PLB1: variants seen among roughly 807,000 people sequenced by gnomAD.
PLB1 encodes phospholipase B1.
A neutral mutation model predicts 227.4 loss-of-function variants in PLB1; 242 were observed. The ratio of observed to expected loss-of-function variants is 1.06; its 90% CI spans 0.96 to 1.18. The LOEUF (loss-of-function observed/expected upper bound fraction) is 1.18, where lower values mean the gene tolerates loss of function less well. Ranked by LOEUF, PLB1 falls within the 50% of genes most tolerant of loss-of-function variation. PLB1 has a pLI of 0.00. For synonymous variants in PLB1, 757 were observed against 682.2 expected, an observed-to-expected ratio of 1.11 and a Z score of -1.71; for missense variants, 1,858 against 1,816.3, an observed-to-expected ratio of 1.02 and a Z score of -0.42.
At chr2:28,624,752 A>G (rs190990754) in intron 49 of PLB1, among the ~76,000 whole-genome samples, 11 of 151,834 alleles carry the variant, frequency 7.2e-5, no homozygotes, top group East Asian at 2.0e-4. Context: ...GAAGAAATGA[A>G]CAGGCTTGGC....
chr2:28,588,850 C>T (rs1681356678), intron 26 of PLB1, among the ~76,000 whole-genome samples: 1 of 152,148 alleles, frequency 6.6e-6, no homozygotes, highest in South Asian at 2.1e-4. Flanking sequence ...CCCCTCACGT[C>T]TTTAATCAGA....
At chr2:28,515,914 G>A (rs935352647) in intron 1 of PLB1, among the ~76,000 whole-genome samples, 6 of 152,124 alleles carry the variant, frequency 3.9e-5, no homozygotes, top group Non-Finnish European at 7.4e-5. Context: ...CTCATGATAC[G>A]TCAAAGGAAG....
chr2:28,578,070 C>T, intron 21 of PLB1, 37 bp from the exon 22 acceptor site: 1 of 1,607,068 alleles, frequency 6.2e-7, no homozygotes, highest in Non-Finnish European at 8.5e-7. Context: ...TGCCAGTCCC[C>T]ACTCCTCACA....
In PLB1 at chr2:28,542,885, G is replaced by A. The variant is rs368489219; in HGVS notation, c.880-327G>A. Among the ~76,000 whole-genome samples, 358 of 152,280 alleles carry A rather than the reference G, an allele frequency of 2.4e-3. 5 individuals carry two copies. The highest frequency in any genetic ancestry group is 7.9e-3 in the African/African-American group (327 of 41,548). ...AGGGTGAGGAGAAATATTAGCTCACGTTCCCTTCCTTCATCCTTCTACTCA... is the reference window on the plus strand; with the variant it reads ...AGGGTGAGGAGAAATATTAGCTCACATTCCCTTCCTTCATCCTTCTACTCA... On this transcript the variant is annotated intron_variant, in intron 13 of 57. Transcript: ENST00000327757.
In PLB1 at chr2:28,538,389, C is replaced by T. The variant is rs770846694; in HGVS notation, c.618+8C>T. 38 of 1,610,250 alleles carry T rather than the reference C, an allele frequency of 2.4e-5. No individual in the cohort carries two copies. Among genetic ancestry groups the T allele is most frequent in the Middle Eastern group, 2.0e-4 (1 of 4,968 alleles). On this transcript the variant is annotated splice_region_variant and intron_variant, in intron 10 of 57. Transcript: ENST00000327757. ...GACTACCTGCAGCAGGAGGTGAGGC[C>T]ACGGGCCTAGGGCTTCCCCAAGGGC...
At position 28,602,863 on chromosome 2, in the gene PLB1, A is replaced by C. The variant is rs755917163; in HGVS notation, c.2716A>C (p.Thr906Pro). ...CAACCTCGTGGACTTCCTGAACCCCACTATCATGCGGCAGGTGTTCCTGGG... is the reference window on the plus strand; with the variant it reads ...CAACCTCGTGGACTTCCTGAACCCCCCTATCATGCGGCAGGTGTTCCTGGG... ...LVNLVDFLNP[T>P]IMRQVFLGNP... is the part of the protein sequence containing the mutation. The change falls in exon 39 of 58, where the codon ACT becomes CCT. Residue 906 changes from threonine to proline, a missense_variant. Transcript: ENST00000327757. The C allele has an allele frequency of 6.2e-7, 1 of 1,614,100 alleles. No individual in the cohort carries two copies. The highest frequency in any genetic ancestry group is 8.5e-7 in the Non-Finnish European group (1 of 1,179,996).
At chr2:28,580,759 A>G (rs1424271427) in intron 23 of PLB1, among the ~76,000 whole-genome samples, 5 of 151,238 alleles carry the variant, frequency 3.3e-5, no homozygotes, top group African/African-American at 1.2e-4. Flanking sequence ...GTGTGTGGGA[A>G]AGGGGGTTGT....
intron 20 of PLB1, among the ~76,000 whole-genome samples, chr2:28,570,718 A>C (rs889491253): frequency 1.3e-5 from 2 of 152,216 alleles, no homozygotes; most frequent in Non-Finnish European, 1.5e-5. Flanking sequence ...CCTGGGAGGC[A>C]GAGGTTGCAG....
intron 41 of PLB1, 130 bp from the exon 42 acceptor site, chr2:28,605,723 G>C: frequency 1.4e-6 from 1 of 695,872 alleles, no homozygotes; most frequent in Non-Finnish European, 2.6e-6. Context: ...AATGGGCCCT[G>C]TGGTGGCTGG....
chr2:28,616,031 A>G (rs761713569), intron 44 of PLB1, among the ~76,000 whole-genome samples: 1 of 152,234 alleles, frequency 6.6e-6, no homozygotes, highest in African/African-American at 2.4e-5. Flanking sequence ...AGTTGACTTC[A>G]CAGAAGTAGA....
intron 43 of PLB1, among the ~76,000 whole-genome samples, chr2:28,612,369 G>A (rs529390602): frequency 1.4e-4 from 21 of 152,246 alleles, no homozygotes; most frequent in Admixed American, 5.9e-4. Flanking sequence ...CCTCCAGTGT[G>A]AGGAACGGAA....
At position 28,516,877 on chromosome 2, in the gene PLB1, CT is replaced by C; in HGVS notation, c.117+11del. ...GGGCAGCTATGGCCAGAGGTAAGGG[CT>C]TTGGCTGGTGGGAGGTGCGTGTGTA... On this transcript the variant is annotated intron_variant, in intron 2 of 57. Transcript: ENST00000327757. The C allele has an allele frequency of 6.2e-7, 1 of 1,613,170 alleles. No individual in the cohort carries two copies. The highest frequency in any genetic ancestry group is 8.5e-7 in the Non-Finnish European group (1 of 1,179,204).
intron 43 of PLB1, among the ~76,000 whole-genome samples, chr2:28,609,442 C>T (rs1558908574): frequency 6.6e-6 from 1 of 151,916 alleles, no homozygotes; most frequent in Non-Finnish European, 1.5e-5. Context: ...AATGTATGAT[C>T]AAGCAGGAGG....
In PLB1 at chr2:28,589,735, C is replaced by T. The variant is rs1345024265; in HGVS notation, c.1981C>T (p.His661Tyr). ...CTGTTTCCACTTCAGCAGCAAGTCT[C>T]ACTCCCGAGCAGCCAGTGCTCTCTG... Reference protein sequence around the residue: ...PDCFHFSSKSHSRAASALWNN... With the variant: ...PDCFHFSSKSYSRAASALWNN... The change falls in exon 28 of 58, where the codon CAC (histidine) becomes TAC (tyrosine). Residue 661 changes from histidine to tyrosine, a missense_variant. Transcript: ENST00000327757. 5 of 1,614,064 alleles carry T rather than the reference C, an allele frequency of 3.1e-6. No individual in the cohort carries two copies. Among genetic ancestry groups the T allele is most frequent in the Middle Eastern group, 1.6e-4 (1 of 6,062 alleles).
intron 13 of PLB1, among the ~76,000 whole-genome samples, chr2:28,542,347 A>G (rs889041420): frequency 3.9e-5 from 6 of 152,176 alleles, no homozygotes; most frequent in Admixed American, 2.6e-4. Context: ...ATGTGCTGTT[A>G]GAGGCAGGGC....
intron 14 of PLB1, among the ~76,000 whole-genome samples, chr2:28,546,019 A>G (rs566515915): frequency 6.6e-6 from 1 of 152,256 alleles, no homozygotes; most frequent in East Asian, 1.9e-4. Flanking sequence ...TCATCCTCCA[A>G]GCCCTAGCAT....
At chr2:28,633,135 C>T in intron 56 of PLB1, 96 bp downstream of exon 56, 1 of 1,069,992 alleles carries the variant, frequency 9.3e-7, no homozygotes, top group East Asian at 2.4e-5. Flanking sequence ...GACATGGCTC[C>T]TTTCTCCCCA....
intron 45 of PLB1, among the ~76,000 whole-genome samples, chr2:28,618,084 C>T (rs1199442459): frequency 6.6e-6 from 1 of 152,146 alleles, no homozygotes; most frequent in Non-Finnish European, 1.5e-5. Flanking sequence ...GCTACATGAC[C>T]CTGCAGCTGG....
intron 22 of PLB1, 108 bp downstream of exon 22, chr2:28,578,266 A>G: frequency 9.7e-7 from 1 of 1,025,998 alleles, no homozygotes. Flanking sequence ...TAGCAGACAC[A>G]TCTGAAGCCT....
Sources: allele counts gnomAD v4.1 joint callset (sites outside exome capture counted in the v4.1 genomes callset), GRCh38; gene constraint gnomAD v4.1.1; transcripts MANE v1.5; gene names NCBI Gene and HGNC (gene_info 2026-07-23, HGNC 2026-07-21).